MRC1: variants seen among roughly 807,000 people sequenced by gnomAD.
MRC1 encodes the protein mannose receptor C-type 1.
MRC1 carries 62 observed loss-of-function variants against 102.9 expected under a neutral mutation model. The observed-to-expected ratio is 0.60, with a 90% CI of 0.49 to 0.74. The LOEUF is 0.74. MRC1 is among the 30% of genes least tolerant of loss of function. The pLI is 0.00. For synonymous variants in MRC1, 457 were observed against 298.4 expected, an observed-to-expected ratio of 1.53 and a Z score of -5.48; for missense variants, 1,237 against 862.8, an observed-to-expected ratio of 1.43 and a Z score of -5.43.
At chr10:17,828,108 G>C (rs902359456) in intron 3 of MRC1, among the ~76,000 whole-genome samples, 3 of 152,126 alleles carry the variant, frequency 2.0e-5, no homozygotes, top group African/African-American at 7.2e-5. Flanking sequence ...ACGGAGTCTC[G>C]CTGTGTCTCC....
At chr10:17,834,813 A>G (rs1838638121) in intron 4 of MRC1, among the ~76,000 whole-genome samples, 1 of 152,182 alleles carries the variant, frequency 6.6e-6, no homozygotes, top group Non-Finnish European at 1.5e-5. Context: ...CTTCTAAAAT[A>G]TACACTTGGG....
chr10:17,884,105 TAC>T (rs1424386959), intron 21 of MRC1, among the ~76,000 whole-genome samples: 1 of 152,190 alleles, frequency 6.6e-6, no homozygotes, highest in East Asian at 1.9e-4. Flanking sequence ...AAGCTGGGAC[TAC>T]AGGCGCATGA....
In MRC1 at chr10:17,829,948, C is replaced by A. The variant is rs1031983296; in HGVS notation, c.637+2233C>A. Among the ~76,000 whole-genome samples the A allele has an allele frequency of 4.7e-3, 709 of 151,546 alleles. 35 individuals are homozygous for A. The highest frequency in any genetic ancestry group is 0.016 in the African/African-American group (670 of 40,852). On this transcript the variant is annotated intron_variant, in intron 3 of 29. Transcript: ENST00000569591. ...CTTATTACTTGTATTTATGCCTTCA[C>A]TGTCAAATTATATATTTTTTCCTGT...
chr10:17,846,910 T>C (rs1188683758), intron 6 of MRC1, among the ~76,000 whole-genome samples: 1 of 152,236 alleles, frequency 6.6e-6, no homozygotes, highest in Non-Finnish European at 1.5e-5. Flanking sequence ...ATATACATTC[T>C]ATGCACATCA....
In MRC1 at chr10:17,910,657, A is replaced by G; in HGVS notation, c.*192A>G. On this transcript the variant is annotated 3_prime_UTR_variant, in exon 30 of 30. Coordinates refer to ENST00000569591, the MANE Select transcript of MRC1 (RefSeq NM_002438.4). The stretch of plus-strand genomic sequence containing the variant: ...CAAGATATTTTCATAAAAGAGGGAT[A>G]ACAATGCTGATTACTACCTTTTAAA... The G allele has an allele frequency of 1.5e-6, 1 of 645,940 alleles. No homozygotes were observed. Among genetic ancestry groups the G allele is most frequent in the Non-Finnish European group, 2.8e-6 (1 of 361,430 alleles). The allele number at this position is 645,940 out of a possible 1,614,324, so 40.0% of individuals were successfully genotyped here.
Position 17,853,114 on chromosome 10 carries a change from T to C in MRC1, c.1397T>C (p.Met466Thr), listed in dbSNP as rs986140697. The C allele has an allele frequency of 3.8e-6, 3 of 780,850 alleles. No individual in the cohort carries two copies. In the Admixed American group the frequency reaches 5.1e-5, roughly 13 times the overall value. The allele number at this position is 780,850 out of a possible 1,614,324, so 48.4% of individuals were successfully genotyped here. ...ENNRQEDCVV[M>T]KGKDGYWADR... ...AACAGACAGGAGGATTGTGTGGTGATGAAAGGCAAGGTAAGGCCACTTGAA... is the reference window on the plus strand; with the variant it reads ...AACAGACAGGAGGATTGTGTGGTGACGAAAGGCAAGGTAAGGCCACTTGAA... The change falls in exon 8 of 30, where the codon ATG (methionine) becomes ACG (threonine). Residue 466 changes from methionine to threonine, a missense_variant. Physicochemically the swap from Met to Thr is moderately conservative, Grantham distance 81 (BLOSUM62 -1). Coordinates refer to ENST00000569591, the MANE Select transcript of MRC1 (RefSeq NM_002438.4).
At chr10:17,864,428 A>G (rs1289528179) in intron 11 of MRC1, among the ~76,000 whole-genome samples, 5 of 152,166 alleles carry the variant, frequency 3.3e-5, no homozygotes, top group Non-Finnish European at 7.3e-5. Context: ...TGCGGAACTC[A>G]TTATTTCCAT....
At chr10:17,863,149 G>A (rs1833209178) in intron 10 of MRC1, 1 of 206,002 alleles carries the variant, frequency 4.9e-6, no homozygotes, top group Non-Finnish European at 9.9e-6. Context: ...GCTTAACCAA[G>A]AATTGAGTAG....
intron 3 of MRC1, among the ~76,000 whole-genome samples, chr10:17,829,315 T>A (rs1399992068): frequency 6.6e-6 from 1 of 151,550 alleles, no homozygotes; most frequent in Non-Finnish European, 1.5e-5. Flanking sequence ...AGAATTGTAC[T>A]TATTTATCTC....
At chr10:17,851,505 T>C (rs989205378) in intron 7 of MRC1, among the ~76,000 whole-genome samples, 11 of 152,178 alleles carry the variant, frequency 7.2e-5, no homozygotes, top group African/African-American at 2.4e-4. Flanking sequence ...CCCCAACTAA[T>C]TGATAAAAAT....
intron 13 of MRC1, among the ~76,000 whole-genome samples, chr10:17,870,622 G>A (rs1833340754): frequency 6.6e-6 from 1 of 152,032 alleles, no homozygotes; most frequent in African/African-American, 2.4e-5. Context: ...CTTTCAATAC[G>A]ATACCATTAT....
intron 11 of MRC1, 72 bp from the exon 12 acceptor site, chr10:17,866,490 T>C: frequency 1.3e-6 from 1 of 780,722 alleles, no homozygotes; most frequent in Admixed American, 1.7e-5. Context: ...CGGTTCTGAG[T>C]GCCTTCTGTG....
At chr10:17,846,805 CAT>C (rs1278479036) in intron 6 of MRC1, among the ~76,000 whole-genome samples, 1 of 152,138 alleles carries the variant, frequency 6.6e-6, no homozygotes, top group Non-Finnish European at 1.5e-5. Flanking sequence ...AGAGACAGCA[CAT>C]ATATTTTTTT....
chr10:17,840,952 C>G, intron 5 of MRC1, 146 bp downstream of exon 5: 1 of 720,362 alleles, frequency 1.4e-6, no homozygotes, highest in East Asian at 2.6e-5. Flanking sequence ...GTTTTGAAAT[C>G]TATGCTAGAT....
At chr10:17,901,534 C>T (rs1833829514) in intron 25 of MRC1, among the ~76,000 whole-genome samples, 1 of 151,898 alleles carries the variant, frequency 6.6e-6, no homozygotes, top group South Asian at 2.1e-4. Flanking sequence ...ACTAAAAATA[C>T]AAAAACTAGC....
rs1838318652 is a variant in MRC1 at position 17,816,698 on chromosome 10, T to G, written c.62-6376T>G. Among the ~76,000 whole-genome samples, 3 of 152,352 alleles carry G rather than the reference T, an allele frequency of 2.0e-5. No homozygotes were observed. In the South Asian group the frequency reaches 6.2e-4, roughly 32 times the overall value. On this transcript the variant is annotated intron_variant, in intron 1 of 29. Transcript: ENST00000569591. Reference sequence around the variant, plus strand: ...AGGCCGAGGAGAAATAGTATAAATCTGGAGGCATCTGCTACAGCTACTTGC... The same window carrying G: ...AGGCCGAGGAGAAATAGTATAAATCGGGAGGCATCTGCTACAGCTACTTGC...
At chr10:17,829,750 C>T (rs1263295300) in intron 3 of MRC1, among the ~76,000 whole-genome samples, 1 of 151,428 alleles carries the variant, frequency 6.6e-6, no homozygotes, top group Non-Finnish European at 1.5e-5. Flanking sequence ...ACTATAGCAT[C>T]CTCCACATCC....
chr10:17,886,213 A>G (rs1424851203), intron 22 of MRC1, among the ~76,000 whole-genome samples: 4 of 152,184 alleles, frequency 2.6e-5, no homozygotes, highest in Non-Finnish European at 5.9e-5. Flanking sequence ...ATGGTGTCCT[A>G]TGTGCTAGAC....
At chr10:17,902,921 A>C (rs1272569729) in intron 26 of MRC1, among the ~76,000 whole-genome samples, 1 of 152,178 alleles carries the variant, frequency 6.6e-6, no homozygotes, top group African/African-American at 2.4e-5. Context: ...TGTTAGGTAC[A>C]TATTCGTCTA....
Sources: allele counts gnomAD v4.1 joint callset (sites outside exome capture counted in the v4.1 genomes callset), GRCh38; gene constraint gnomAD v4.1.1; transcripts MANE v1.5; gene names NCBI Gene and HGNC (gene_info 2026-07-23, HGNC 2026-07-21).